The following KCNJ5 variants were observed in gnomAD, a reference collection of about 807,000 sequenced individuals.
The protein encoded by KCNJ5 is G protein-activated inward rectifier potassium channel 4.
A neutral mutation model predicts 20.2 loss-of-function variants in KCNJ5; 12 were observed. That is an observed-to-expected ratio of 0.59 (90% CI 0.38 to 0.96). The LOEUF is 0.96. Among genes scored for constraint, KCNJ5 ranks in the 40% least tolerant of loss-of-function variants. KCNJ5 has a pLI of 0.00. For missense variants in KCNJ5, 449 were observed against 557.6 expected, an observed-to-expected ratio of 0.81 and a Z score of 1.96; for synonymous variants, 210 against 213.9, an observed-to-expected ratio of 0.98 and a Z score of 0.16.
chr11:128,897,602 A>C (rs559662288), intron 1 of KCNJ5, among the ~76,000 whole-genome samples: 148 of 152,206 alleles, frequency 9.7e-4, no homozygotes, highest in African/African-American at 3.5e-3. Flanking sequence ...CTACTTTGTA[A>C]TTTTGCCTTT....
intron 1 of KCNJ5, chr11:128,900,871 A>G (rs1175486622): frequency 6.6e-6 from 1 of 152,238 alleles, no homozygotes; most frequent in Non-Finnish European, 1.5e-5. Flanking sequence ...ATAATTCCAC[A>G]TACTAGGAAT....
chr11:128,902,661 G>A (rs749071757), intron 1 of KCNJ5: 36 of 1,613,812 alleles, frequency 2.2e-5, no homozygotes, highest in East Asian at 8.9e-5. Context: ...TCTTCCTGCC[G>A]GGCCGCCTGC....
chr11:128,906,802 C>T (rs952014656), intron 1 of KCNJ5, among the ~76,000 whole-genome samples: 84 of 152,312 alleles, frequency 5.5e-4, no homozygotes, highest in African/African-American at 1.9e-3. Context: ...AACTTTCTTT[C>T]TTCAGTTCAG....
intron 1 of KCNJ5, among the ~76,000 whole-genome samples, chr11:128,902,898 T>G (rs2135989473): frequency 6.6e-6 from 1 of 152,268 alleles, no homozygotes; most frequent in South Asian, 2.1e-4. Flanking sequence ...CACACATAGA[T>G]TCTCTATGGC....
At chr11:128,910,128 G>C (rs1240590318) in intron 1 of KCNJ5, among the ~76,000 whole-genome samples, 1 of 152,208 alleles carries the variant, frequency 6.6e-6, no homozygotes. Context: ...GCAGTTCCTG[G>C]CTTCTGAGTG....
At chr11:128,914,378 A>G (rs907260872) in intron 2 of KCNJ5, among the ~76,000 whole-genome samples, 2 of 152,068 alleles carry the variant, frequency 1.3e-5, no homozygotes, top group Admixed American at 1.3e-4. Flanking sequence ...CCTCAAAGTC[A>G]GGGGCCCGCC....
intron 1 of KCNJ5, among the ~76,000 whole-genome samples, chr11:128,892,681 A>C (rs1362963409): frequency 6.6e-6 from 1 of 152,220 alleles, no homozygotes; most frequent in East Asian, 1.9e-4. Context: ...ACAGCTCATA[A>C]AGGGAGATTC....
At chr11:128,906,146 C>T (rs1356937216) in intron 1 of KCNJ5, 1 of 151,986 alleles carries the variant, frequency 6.6e-6, no homozygotes, top group Non-Finnish European at 1.5e-5. Flanking sequence ...ACTGTACACA[C>T]ACCTTTCATT....
At chr11:128,904,345 A>G in intron 1 of KCNJ5, 1 of 1,565,672 alleles carries the variant, frequency 6.4e-7, no homozygotes, top group East Asian at 2.3e-5. Context: ...TCTCTACTGC[A>G]CTGATTTTTT....
chr11:128,903,386 G>A, intron 1 of KCNJ5: 1 of 1,614,168 alleles, frequency 6.2e-7, no homozygotes, highest in Non-Finnish European at 8.5e-7. Context: ...CCACAGCCGT[G>A]GGTGTAGACG....
In KCNJ5 at chr11:128,891,425, C is replaced by CAGAGAGAG. The variant is rs1175062001; in HGVS notation, c.-306_-305insGAGAGAGA. On this transcript the variant is annotated 5_prime_UTR_variant, in exon 1 of 3. Transcript: ENST00000529694. ...ACACACACACACACACACACACACA[C>CAGAGAGAG]ACACACACACACACACAGAGAGAGA... The CAGAGAGAG allele has an allele frequency of 1.1e-3, 118 of 106,352 alleles. No individual in the cohort carries two copies. Among genetic ancestry groups the CAGAGAGAG allele is most frequent in the African/African-American group, 1.5e-3 (38 of 24,838 alleles). The allele number at this position is 106,352 out of a possible 1,614,324, so 6.6% of individuals were successfully genotyped here.
rs1944627868 is a variant in KCNJ5 at position 128,918,824 on chromosome 11, G to C, written c.*2093G>C. The C allele has an allele frequency of 6.6e-6, 1 of 152,400 alleles. No homozygotes were observed. The highest frequency in any genetic ancestry group is 1.5e-5 in the Non-Finnish European group (1 of 68,208). The allele number at this position is 152,400 out of a possible 1,614,324, so 9.4% of individuals were successfully genotyped here. On this transcript the variant is annotated 3_prime_UTR_variant, in exon 3 of 3. Coordinates refer to ENST00000529694, the MANE Select transcript of KCNJ5 (RefSeq NM_000890.5). ...GCTCCTGGGCTGGATCTTGAGAGGT[G>C]GGCAGGGTCTTCCCACCAGTGGCAG... is the stretch of plus-strand genomic sequence containing the variant.
chr11:128,920,473 G>A lies in KCNJ5; in HGVS notation c.*3742G>A, dbSNP rs549080832. 6.6e-6 allele frequency: 1 copy of A among 152,270 alleles called. No homozygotes were observed. Among genetic ancestry groups the A allele is most frequent in the Non-Finnish European group, 1.5e-5 (1 of 68,092 alleles). 9.4% of individuals were successfully genotyped at this position (152,270 alleles called of 1,614,324 possible). The stretch of plus-strand genomic sequence containing the variant: ...CCATCAATCCTGTGCCTCATGTGAG[G>A]TGAGCCCCAGAGAAACTTAAATTGC... On this transcript the variant is annotated 3_prime_UTR_variant, in exon 3 of 3. Coordinates refer to ENST00000529694, the MANE Select transcript of KCNJ5 (RefSeq NM_000890.5).
At chr11:128,905,564 C>G (rs973499356) in intron 1 of KCNJ5, 1 of 152,282 alleles carries the variant, frequency 6.6e-6, no homozygotes, top group Non-Finnish European at 1.5e-5. Context: ...CCCCTTCTCT[C>G]GCACGATCCG....
intron 1 of KCNJ5, chr11:128,900,710 C>T (rs1348551962): frequency 2.6e-5 from 4 of 152,222 alleles, no homozygotes; most frequent in South Asian, 4.1e-4. Context: ...TGCCAGAATC[C>T]TGGAAATGAG....
At chr11:128,895,230 G>A (rs781443634) in intron 1 of KCNJ5, among the ~76,000 whole-genome samples, 1 of 152,140 alleles carries the variant, frequency 6.6e-6, no homozygotes, top group East Asian at 1.9e-4. Flanking sequence ...TCAGGCACCC[G>A]ACTTTACAGT....
rs974191668 is a variant in KCNJ5, at chr11:128,911,036, A to G, written c.-10-228A>G. ...TAGATATTGTTCATTTATTCATTCA[A>G]CAAACAGCTAGCAAGCATCTATTTT... On this transcript the variant is annotated intron_variant, in intron 1 of 2. Transcript: ENST00000529694. This position sits in a 1 kb window ranked among gnomAD's most constrained non-coding sequence, Gnocchi z 6.3. The G allele has an allele frequency of 3.5e-5, 20 of 568,254 alleles. No homozygotes were observed. In the African/African-American group the frequency reaches 3.6e-4, roughly 10 times the overall value. The allele number at this position is 568,254 out of a possible 1,614,324, so 35.2% of individuals were successfully genotyped here.
chr11:128,915,482 G>A (rs2136002421), intron 2 of KCNJ5, among the ~76,000 whole-genome samples: 1 of 152,306 alleles, frequency 6.6e-6, no homozygotes, highest in East Asian at 1.9e-4. Flanking sequence ...CATTCATGCT[G>A]AATTTATCTT....
At chr11:128,915,534 T>C (rs948939390) in intron 2 of KCNJ5, among the ~76,000 whole-genome samples, 6 of 151,932 alleles carry the variant, frequency 3.9e-5, no homozygotes, top group Non-Finnish European at 7.4e-5. Flanking sequence ...CTTCTAGACC[T>C]GAATGCTGTT....
Sources: gnomAD v4.1 joint callset for allele counts (sites outside exome capture counted in the v4.1 genomes callset) on GRCh38, gnomAD v4.1.1 for gene constraint, Gnocchi (gnomAD v3.1) non-coding constraint, MANE v1.5 for transcripts, NCBI Gene and HGNC (gene_info 2026-07-23, HGNC 2026-07-21) for gene names.